CTNNA2: variants seen among roughly 807,000 people sequenced by gnomAD.
CTNNA2 encodes the protein catenin alpha 2.
CTNNA2 carries 42 observed loss-of-function variants against 101.0 expected under a neutral mutation model. That is an observed-to-expected ratio of 0.42 (90% CI 0.32 to 0.54). The LOEUF is 0.54. Ranked by LOEUF, CTNNA2 falls within the 20% of genes least tolerant of loss-of-function variation. CTNNA2 has a pLI of 0.14. For missense variants in CTNNA2, 871 were observed against 1,223.1 expected, an observed-to-expected ratio of 0.71 and a Z score of 4.29; for synonymous variants, 450 against 456.4, an observed-to-expected ratio of 0.99 and a Z score of 0.18.
At chr2:80,448,297 T>TTAGC (rs1683225665) in intron 9 of CTNNA2, among the ~76,000 whole-genome samples, 1 of 152,232 alleles carries the variant, frequency 6.6e-6, no homozygotes, top group Non-Finnish European at 1.5e-5. Context: ...AGGGTGATGC[T>TTAGC]TAGCAATAAG....
chr2:80,623,401 T>C (rs1386059401), intron 18 of CTNNA2, among the ~76,000 whole-genome samples: 1 of 151,918 alleles, frequency 6.6e-6, no homozygotes, highest in African/African-American at 2.4e-5. Flanking sequence ...ATAGGAGTTT[T>C]CCAGGTGGAA....
chr2:79,912,110 A>G (rs1480423151), intron 7 of CTNNA2, among the ~76,000 whole-genome samples: 1 of 152,216 alleles, frequency 6.6e-6, no homozygotes, highest in Non-Finnish European at 1.5e-5. Flanking sequence ...TTTTCATCCT[A>G]ATGTGCTAGG....
At chr2:79,222,279 A>G (rs1674355326) in intron 2 of CTNNA2, among the ~76,000 whole-genome samples, 1 of 152,232 alleles carries the variant, frequency 6.6e-6, no homozygotes, top group Non-Finnish European at 1.5e-5. Context: ...ATAAACCACT[A>G]CTGAGGGTCA....
rs1023951156 is a variant in CTNNA2, at chr2:79,651,027, G to A, written c.-5-525G>A. 3.3e-5 allele frequency among the ~76,000 whole-genome samples: 5 copies of A among 152,224 alleles called. No homozygotes were observed. In the South Asian group the frequency reaches 8.3e-4, roughly 25 times the overall value. On this transcript the variant is annotated intron_variant, in intron 1 of 18. Coordinates refer to ENST00000402739, the MANE Select transcript of CTNNA2 (RefSeq NM_001282597.3). ...AAAAGTCAGGAAACAACAGGTGCTG[G>A]AGAGGATGTGGAGAAATAGGAACAC...
chr2:79,463,624 A>G (rs1381458469), intron 4 of CTNNA2, among the ~76,000 whole-genome samples: 1 of 152,190 alleles, frequency 6.6e-6, no homozygotes, highest in Non-Finnish European at 1.5e-5. Context: ...ACAATGTTGT[A>G]GAAAAATAGT....
At chr2:80,620,799 C>T (rs1671042528) in intron 18 of CTNNA2, among the ~76,000 whole-genome samples, 1 of 151,818 alleles carries the variant, frequency 6.6e-6, no homozygotes, top group African/African-American at 2.4e-5. Context: ...CATACAGCTG[C>T]CAGGTAAGAA....
chr2:80,109,993 T>A (rs1247769212), intron 7 of CTNNA2, among the ~76,000 whole-genome samples: 2 of 152,218 alleles, frequency 1.3e-5, no homozygotes, highest in Non-Finnish European at 2.9e-5. Context: ...TATGGTTGAT[T>A]GTGTGCGCAC....
At chr2:79,377,856 G>T (rs546949337) in intron 4 of CTNNA2, among the ~76,000 whole-genome samples, 2 of 152,210 alleles carry the variant, frequency 1.3e-5, no homozygotes, top group South Asian at 4.1e-4. Flanking sequence ...TGAAGCACCT[G>T]CTGCTTGTTC....
At chr2:79,975,936 C>A (rs942369521) in intron 7 of CTNNA2, among the ~76,000 whole-genome samples, 5 of 152,182 alleles carry the variant, frequency 3.3e-5, no homozygotes, top group Non-Finnish European at 5.9e-5. Flanking sequence ...AGGCGCCCAA[C>A]CTTCAGCTTC....
chr2:79,728,456 T>C (rs1174826016), intron 2 of CTNNA2, among the ~76,000 whole-genome samples: 4 of 152,210 alleles, frequency 2.6e-5, no homozygotes, highest in Non-Finnish European at 5.9e-5. Flanking sequence ...TTTGAGTTCA[T>C]TGTAGATTCT....
chr2:80,235,428 G>A (rs1188588297), intron 7 of CTNNA2, among the ~76,000 whole-genome samples: 2 of 152,166 alleles, frequency 1.3e-5, no homozygotes, highest in Non-Finnish European at 2.9e-5. Flanking sequence ...AACAGTAGAT[G>A]CCAGTCAAGG....
chr2:79,887,697 T>C (rs948261563), intron 6 of CTNNA2, among the ~76,000 whole-genome samples: 1 of 152,214 alleles, frequency 6.6e-6, no homozygotes, highest in African/African-American at 2.4e-5. Context: ...AAAACAACTT[T>C]TTGATACTTT....
chr2:79,592,341 A>T (rs377181216), intron 1 of CTNNA2, among the ~76,000 whole-genome samples: 10 of 152,058 alleles, frequency 6.6e-5, no homozygotes, highest in African/African-American at 2.4e-4. Context: ...CATGTTGACC[A>T]GGCTGATCTC....
chr2:80,587,392 G>A lies in CTNNA2; in HGVS notation c.2008-1912G>A, dbSNP rs867137156. On this transcript the variant is annotated intron_variant, in intron 14 of 18. Coordinates refer to ENST00000402739, the MANE Select transcript of CTNNA2 (RefSeq NM_001282597.3). ...GGGTAGTTGGAAAGGCAAATTAATG[G>A]CAGCAGTTATAATATAATGTTAATG... Among the ~76,000 whole-genome samples, 78 of 152,134 alleles carry A rather than the reference G, an allele frequency of 5.1e-4. No individual in the cohort carries two copies. The Middle Eastern group carries it at 0.01, about 20-fold the overall frequency.
intron 3 of CTNNA2, among the ~76,000 whole-genome samples, chr2:79,829,257 G>T (rs1213309407): frequency 6.6e-6 from 1 of 152,012 alleles, no homozygotes; most frequent in African/African-American, 2.4e-5. Context: ...GTTGGCTCAT[G>T]CCTGTAATCC....
At chr2:79,673,920 C>T (rs937874197) in intron 2 of CTNNA2, among the ~76,000 whole-genome samples, 4 of 152,168 alleles carry the variant, frequency 2.6e-5, no homozygotes, top group African/African-American at 7.2e-5. Context: ...TGACCCCAGA[C>T]ACTAATTATT....
intron 1 of CTNNA2, among the ~76,000 whole-genome samples, chr2:79,577,064 A>G (rs1675844762): frequency 6.6e-6 from 1 of 152,132 alleles, no homozygotes; most frequent in Non-Finnish European, 1.5e-5. Flanking sequence ...CAGTTGAATC[A>G]AAGTTAGTTA....
intron 17 of CTNNA2, among the ~76,000 whole-genome samples, chr2:80,609,487 C>T (rs1698286637): frequency 6.6e-6 from 1 of 151,704 alleles, no homozygotes; most frequent in African/African-American, 2.4e-5. Flanking sequence ...CACCTCTTTG[C>T]ATTTCCAAAA....
intron 9 of CTNNA2, among the ~76,000 whole-genome samples, chr2:80,500,130 G>A (rs1433635241): frequency 6.6e-6 from 1 of 152,124 alleles, no homozygotes; most frequent in African/African-American, 2.4e-5. Context: ...ATAGCATTTA[G>A]CCATATTATG....
Sources: allele counts gnomAD v4.1 joint callset (sites outside exome capture counted in the v4.1 genomes callset), GRCh38; gene constraint gnomAD v4.1.1; transcripts MANE v1.5; gene names NCBI Gene and HGNC (gene_info 2026-07-23, HGNC 2026-07-21).